MRTFB: variants seen among roughly 807,000 people sequenced by gnomAD.
MRTFB encodes myocardin-related transcription factor B.
MRTFB carries 29 observed loss-of-function variants against 104.2 expected under a neutral mutation model. That is an observed-to-expected ratio of 0.28 (90% CI 0.21 to 0.38). MRTFB has a LOEUF of 0.38. Ranked by LOEUF, MRTFB falls within the 10% of genes least tolerant of loss-of-function variation. The pLI is 1.00. For synonymous variants in MRTFB, 535 were observed against 519.5 expected (o/e 1.03, Z -0.41); for missense variants, 1,270 against 1,341.6 (o/e 0.95, Z 0.83).
the MRTFB span, among the ~76,000 whole-genome samples, chr16:14,017,451 AT>A: frequency 6.6e-6 from 1 of 151,066 alleles, no homozygotes; most frequent in African/African-American, 2.4e-5. Context: ...TTGTGATTTT[AT>A]TACTTGAGCT....
chr16:14,212,332 G>A lies in MRTFB; in HGVS notation c.221-22G>A, dbSNP rs767905894. ...AAGTATGAACTCTATTTATACTGTG[G>A]AAACCATTTCTTTTCTCACAGCTTT... On this transcript the variant is annotated intron_variant, in intron 4 of 16. Coordinates refer to ENST00000571589, the MANE Select transcript of MRTFB (RefSeq NM_001308142.2). The A allele has an allele frequency of 1.6e-5, 26 of 1,613,028 alleles. No individual in the cohort carries two copies. In the East Asian group the frequency reaches 4.9e-4, roughly 30 times the overall value.
chr16:14,165,901 CT>C (rs1325806362), intron 3 of MRTFB, among the ~76,000 whole-genome samples: 1 of 152,132 alleles, frequency 6.6e-6, no homozygotes, highest in Non-Finnish European at 1.5e-5. Context: ...TCAGATACTG[CT>C]TTGTAATTTA....
At chr16:14,133,934 A>C (rs1163651463) in intron 2 of MRTFB, among the ~76,000 whole-genome samples, 1 of 152,246 alleles carries the variant, frequency 6.6e-6, no homozygotes, top group East Asian at 1.9e-4. Flanking sequence ...GAGAACAAAT[A>C]ACATTTTCTA....
Position 14,245,607 on chromosome 16 carries a change from TCTA to T in MRTFB, c.1162_1164del (p.Thr388del). 1 of 1,614,058 alleles carries T rather than the reference TCTA, an allele frequency of 6.2e-7. No homozygotes were observed. Among genetic ancestry groups the T allele is most frequent in the Non-Finnish European group, 8.5e-7 (1 of 1,179,994 alleles). On this transcript the variant is annotated inframe_deletion, in exon 11 of 17. Transcript: ENST00000571589. ...ACCTAACACACCAAGACAGAATACA[TCTA>T]CTCCTGTGAGAAAGCCAGGACCTCT...
chr16:14,221,106 G>A (rs1474790225), intron 8 of MRTFB, among the ~76,000 whole-genome samples: 3 of 152,288 alleles, frequency 2.0e-5, no homozygotes, highest in East Asian at 1.9e-4. Flanking sequence ...TTATTAATAC[G>A]TTGTAGGTGC....
At chr16:14,074,460 G>A (rs1474267124) in intron 1 of MRTFB, among the ~76,000 whole-genome samples, 1 of 152,160 alleles carries the variant, frequency 6.6e-6, no homozygotes, top group Non-Finnish European at 1.5e-5. Flanking sequence ...ACATTTGAGA[G>A]ACACAAATGT....
At chr16:14,219,091 C>T in intron 8 of MRTFB, 93 bp downstream of exon 8, 4 of 1,231,022 alleles carry the variant, frequency 3.2e-6, no homozygotes, top group Non-Finnish European at 4.2e-6. Flanking sequence ...GAAGAAAATT[C>T]TGAATTGAAT....
At chr16:14,189,306 C>G (rs909618436) in intron 3 of MRTFB, among the ~76,000 whole-genome samples, 1 of 152,196 alleles carries the variant, frequency 6.6e-6, no homozygotes, top group Admixed American at 6.5e-5. Flanking sequence ...TGCAGATGAA[C>G]AACAGTGTTT....
At chr16:14,143,642 C>T (rs2038138895) in intron 3 of MRTFB, 2 of 151,880 alleles carry the variant, frequency 1.3e-5, no homozygotes, top group African/African-American at 4.8e-5. Flanking sequence ...GATATATCTC[C>T]AAATGCTATC....
intron 16 of MRTFB, among the ~76,000 whole-genome samples, chr16:14,260,638 T>C (rs1174794374): frequency 6.6e-6 from 1 of 152,204 alleles, no homozygotes; most frequent in African/African-American, 2.4e-5. Context: ...CATATCAGAA[T>C]GTAATAAACT....
At chr16:14,051,222 A>G in the MRTFB span, among the ~76,000 whole-genome samples, 2 of 152,084 alleles carry the variant, frequency 1.3e-5, no homozygotes, top group Non-Finnish European at 2.9e-5. Flanking sequence ...ACAAAGACAC[A>G]CACAGACACA....
the MRTFB span, among the ~76,000 whole-genome samples, chr16:14,027,642 G>A: frequency 6.6e-6 from 1 of 152,174 alleles, no homozygotes; most frequent in Non-Finnish European, 1.5e-5. Context: ...TGTTATCATG[G>A]GGGAAGCTGG....
At chr16:14,198,088 T>G (rs77118043) in intron 3 of MRTFB, among the ~76,000 whole-genome samples, 2,632 of 152,330 alleles carry the variant, frequency 0.017, 83 homozygotes, top group African/African-American at 0.059. Flanking sequence ...TCATACAATA[T>G]GTGAGCTTTT....
intron 2 of MRTFB, among the ~76,000 whole-genome samples, chr16:14,126,887 T>C (rs145786002): frequency 2.7e-3 from 417 of 152,342 alleles, no homozygotes; most frequent in Non-Finnish European, 4.3e-3. Context: ...AATACTATGA[T>C]AGTTAAGTGA....
At chr16:14,228,986 G>A (rs2042139757) in intron 8 of MRTFB, among the ~76,000 whole-genome samples, 1 of 152,200 alleles carries the variant, frequency 6.6e-6, no homozygotes, top group Non-Finnish European at 1.5e-5. Context: ...CAAGTCTGGA[G>A]GTTCCGGTAG....
intron 3 of MRTFB, among the ~76,000 whole-genome samples, chr16:14,184,370 G>C (rs2039873983): frequency 6.6e-6 from 1 of 152,044 alleles, no homozygotes; most frequent in African/African-American, 2.4e-5. Flanking sequence ...TTATAGGTAT[G>C]TGCTACCATG....
chr16:14,029,445 T>TATACACACAC, the MRTFB span, among the ~76,000 whole-genome samples: 13 of 85,958 alleles, frequency 1.5e-4, no homozygotes, highest in South Asian at 4.0e-4. Context: ...TATATATATA[T>TATACACACAC]ACACACACAC....
intron 2 of MRTFB, among the ~76,000 whole-genome samples, chr16:14,126,640 CT>C (rs932548135): frequency 4.6e-5 from 7 of 152,194 alleles, no homozygotes; most frequent in Admixed American, 2.0e-4. Flanking sequence ...ATTCATAGCT[CT>C]GCTGTGCGCC....
At chr16:14,062,614 T>C in the MRTFB span, among the ~76,000 whole-genome samples, 2 of 152,122 alleles carry the variant, frequency 1.3e-5, no homozygotes, top group South Asian at 2.1e-4. Flanking sequence ...GGTTTTGGCC[T>C]GTAAGGGGTC....
Sources: gnomAD v4.1 joint callset for allele counts (sites outside exome capture counted in the v4.1 genomes callset) on GRCh38, gnomAD v4.1.1 for gene constraint, MANE v1.5 for transcripts, NCBI Gene and HGNC (gene_info 2026-07-23, HGNC 2026-07-21) for gene names.